The following CSMD1 variants were observed in gnomAD, a reference collection of about 807,000 sequenced individuals.
The protein encoded by CSMD1 is CUB and Sushi multiple domains 1.
Under a neutral mutation model 417.5 loss-of-function variants are expected in CSMD1, and 213 were observed. The observed-to-expected ratio is 0.51, with a 90% CI of 0.46 to 0.57. The LOEUF (loss-of-function observed/expected upper bound fraction) is 0.57, where lower values mean the gene tolerates loss of function less well. Ranked by LOEUF, CSMD1 falls within the 20% of genes least tolerant of loss-of-function variation. CSMD1 has a pLI of 0.00. For missense variants in CSMD1, 6,923 were observed against 4,529.7 expected (o/e 1.53, Z -15.17); for synonymous variants, 2,862 against 1,736.8 (o/e 1.65, Z -16.11).
chr8:3,897,497 C>G (rs1331709571), intron 5 of CSMD1, among the ~76,000 whole-genome samples: 1 of 151,826 alleles, frequency 6.6e-6, no homozygotes, highest in African/African-American at 2.4e-5. Context: ...ATCTTAAAGT[C>G]ATGCATAAAC....
intron 7 of CSMD1, among the ~76,000 whole-genome samples, chr8:3,634,508 T>C (rs976053212): frequency 6.6e-6 from 1 of 152,146 alleles, no homozygotes; most frequent in Non-Finnish European, 1.5e-5. Context: ...ACCTGCTGTC[T>C]CCCGGACTCT....
At chr8:4,195,702 A>T (rs754485855) in intron 3 of CSMD1, among the ~76,000 whole-genome samples, 1 of 152,046 alleles carries the variant, frequency 6.6e-6, no homozygotes, top group South Asian at 2.1e-4. Flanking sequence ...ACGCAGGGAG[A>T]AATTGTGGAA....
At position 4,004,586 on chromosome 8, in the gene CSMD1, T is replaced by A. The variant is rs79393863; in HGVS notation, c.611-6476A>T. 8.5e-3 allele frequency among the ~76,000 whole-genome samples: 1,294 copies of A among 152,226 alleles called. 40 individuals carry two copies. Among genetic ancestry groups the A allele is most frequent in the East Asian group, 0.075 (388 of 5,178 alleles). On this transcript the variant is annotated intron_variant, in intron 4 of 69. Coordinates refer to ENST00000635120, the MANE Select transcript of CSMD1 (RefSeq NM_033225.6). ...GGTATTATAAACAAAACATATTTAT[T>A]TGGGATTTTCCTTCTTTCCTTCATT...
intron 3 of CSMD1, among the ~76,000 whole-genome samples, chr8:4,315,112 C>T (rs1027106802): frequency 1.3e-5 from 2 of 152,170 alleles, no homozygotes; most frequent in Non-Finnish European, 2.9e-5. Context: ...GGGCTTCTTA[C>T]ACCATCGCAA....
At chr8:4,187,631 G>T (rs896898218) in intron 3 of CSMD1, among the ~76,000 whole-genome samples, 1 of 126,308 alleles carries the variant, frequency 7.9e-6, no homozygotes, top group South Asian at 2.5e-4. Context: ...AGCCGAGATT[G>T]CATCACTGCA....
chr8:3,596,394 GC>G (rs1801096900), intron 8 of CSMD1, among the ~76,000 whole-genome samples: 1 of 152,166 alleles, frequency 6.6e-6, no homozygotes, highest in Non-Finnish European at 1.5e-5. Flanking sequence ...GACCTTTGGG[GC>G]CTCCACGATA....
chr8:4,695,597 C>G (rs997689191), intron 1 of CSMD1, among the ~76,000 whole-genome samples: 21 of 152,078 alleles, frequency 1.4e-4, no homozygotes, highest in African/African-American at 4.6e-4. Flanking sequence ...CCTATCCCCC[C>G]CACCACACAG....
At chr8:3,936,627 G>A (rs1023918417) in intron 5 of CSMD1, among the ~76,000 whole-genome samples, 1 of 152,104 alleles carries the variant, frequency 6.6e-6, no homozygotes, top group Non-Finnish European at 1.5e-5. Context: ...GAGACGTACT[G>A]CTCAGAAAAA....
At chr8:3,056,414 C>A (rs965350474) in intron 49 of CSMD1, among the ~76,000 whole-genome samples, 2 of 152,196 alleles carry the variant, frequency 1.3e-5, no homozygotes, top group Non-Finnish European at 2.9e-5. Context: ...GTCACTCAGG[C>A]TGCAGTGCAG....
At chr8:3,416,302 CAAAA>C (rs11358404) in intron 12 of CSMD1, among the ~76,000 whole-genome samples, 4 of 58,888 alleles carry the variant, frequency 6.8e-5, no homozygotes, top group African/African-American at 2.0e-4. Context: ...GACTCCGTCT[CAAAA>C]AAAAAAAAAA....
intron 12 of CSMD1, among the ~76,000 whole-genome samples, chr8:3,453,891 T>C (rs1332261431): frequency 6.6e-6 from 1 of 152,218 alleles, no homozygotes; most frequent in Non-Finnish European, 1.5e-5. Context: ...CTTGTTGAAA[T>C]GTCTGATGTT....
intron 1 of CSMD1, among the ~76,000 whole-genome samples, chr8:4,914,903 G>C (rs533738443): frequency 1.3e-5 from 2 of 152,156 alleles, no homozygotes; most frequent in African/African-American, 4.8e-5. Flanking sequence ...GTATTCCCAA[G>C]TCACAGAAAA....
chr8:4,900,673 G>T (rs956718374), intron 1 of CSMD1, among the ~76,000 whole-genome samples: 1 of 152,126 alleles, frequency 6.6e-6, no homozygotes, highest in Admixed American at 6.5e-5. Flanking sequence ...GCTGTCCAAG[G>T]AGATTTGCAA....
chr8:4,257,250 A>C (rs922740078), intron 3 of CSMD1, among the ~76,000 whole-genome samples: 2 of 152,138 alleles, frequency 1.3e-5, no homozygotes, highest in African/African-American at 4.8e-5. Flanking sequence ...ATGTATTTTA[A>C]TTTTATTATA....
chr8:3,328,844 A>G (rs564259382), intron 23 of CSMD1, among the ~76,000 whole-genome samples: 77 of 152,360 alleles, frequency 5.1e-4, no homozygotes, highest in African/African-American at 1.5e-3. Context: ...TTTAAATAAA[A>G]GGCACTAAAC....
intron 50 of CSMD1, among the ~76,000 whole-genome samples, chr8:3,038,882 T>C (rs77922526): frequency 0.02 from 2,988 of 152,254 alleles, 98 homozygotes; most frequent in African/African-American, 0.068. Context: ...CAGAGCCACA[T>C]AGAGGCTTAA....
intron 3 of CSMD1, among the ~76,000 whole-genome samples, chr8:4,271,740 ATATACT>A (rs1295224684): frequency 1.3e-5 from 2 of 152,200 alleles, no homozygotes; most frequent in Non-Finnish European, 1.5e-5. Context: ...TATATGATTA[ATATACT>A]TATACATATA....
At chr8:3,508,601 G>A (rs780092857) in intron 10 of CSMD1, among the ~76,000 whole-genome samples, 10 of 152,042 alleles carry the variant, frequency 6.6e-5, no homozygotes, top group Non-Finnish European at 7.4e-5. Flanking sequence ...TTATTTTAGC[G>A]ATGTGTGAGA....
chr8:3,829,361 G>A (rs1293823974), intron 5 of CSMD1, among the ~76,000 whole-genome samples: 2 of 152,204 alleles, frequency 1.3e-5, no homozygotes, highest in African/African-American at 2.4e-5. Context: ...TGAGAACTCT[G>A]TCAAACTATA....
Sources: allele counts gnomAD v4.1 joint callset (sites outside exome capture counted in the v4.1 genomes callset), GRCh38; gene constraint gnomAD v4.1.1; transcripts MANE v1.5; gene names NCBI Gene and HGNC (gene_info 2026-07-23, HGNC 2026-07-21).